The following KMT2C variants were observed in gnomAD, a reference collection of about 807,000 sequenced individuals.
KMT2C encodes the protein histone-lysine N-methyltransferase 2C.
In KMT2C, 88 loss-of-function variants were observed where a neutral mutation model predicts 507.9. That is an observed-to-expected ratio of 0.17 (90% confidence interval 0.15 to 0.21). KMT2C has a LOEUF of 0.21. Among genes scored for constraint, KMT2C ranks in the 10% least tolerant of loss-of-function variants. KMT2C has a pLI of 1.00. For missense variants in KMT2C, 4,954 were observed against 5,957.8 expected, an observed-to-expected ratio of 0.83 and a Z score of 5.55; for synonymous variants, 2,049 against 2,080.8, an observed-to-expected ratio of 0.98 and a Z score of 0.42.
intron 28 of KMT2C, 142 bp downstream of exon 28, chr7:152,195,765 G>T (rs1384296514): frequency 3.9e-6 from 2 of 511,414 alleles, no homozygotes; most frequent in Non-Finnish European, 6.4e-6. Flanking sequence ...GCAGATCAAA[G>T]AAAATGCTGA....
rs753651785 is a variant in KMT2C, at chr7:152,176,163, A to G, written c.9262+28T>C. On this transcript the variant is annotated intron_variant, in intron 38 of 58. Coordinates refer to ENST00000262189, the MANE Select transcript of KMT2C (RefSeq NM_170606.3). Reference sequence around the variant, plus strand: ...ATGCCACTCTAATACCCATAGTAATATACGTTGAGACTCAAGAAAACTCCT... The same window carrying G: ...ATGCCACTCTAATACCCATAGTAATGTACGTTGAGACTCAAGAAAACTCCT... 7 of 1,552,446 alleles carry G rather than the reference A, an allele frequency of 4.5e-6. No homozygotes were observed. The Admixed American group carries it at 1.2e-4, about 26-fold the overall frequency.
At chr7:152,316,363 G>T (rs1379642530) in intron 3 of KMT2C, among the ~76,000 whole-genome samples, 2 of 152,116 alleles carry the variant, frequency 1.3e-5, no homozygotes, top group East Asian at 3.9e-4. Flanking sequence ...GTGGGAGAAT[G>T]AGCTCAATTT....
chr7:152,236,954 A>C (rs1470888465), intron 15 of KMT2C, among the ~76,000 whole-genome samples: 1 of 152,170 alleles, frequency 6.6e-6, no homozygotes, highest in Non-Finnish European at 1.5e-5. Flanking sequence ...AATGGAAATA[A>C]TTTATCTGAC....
chr7:152,331,741 C>T (rs1298560200), intron 2 of KMT2C, among the ~76,000 whole-genome samples: 2 of 150,182 alleles, frequency 1.3e-5, no homozygotes, highest in African/African-American at 4.9e-5. Context: ...CTCTGCCTCC[C>T]GGGTTCAAGC....
At chr7:152,262,229 AAGAAG>A (rs756868370) in intron 9 of KMT2C, among the ~76,000 whole-genome samples, 2 of 152,138 alleles carry the variant, frequency 1.3e-5, no homozygotes, top group African/African-American at 2.4e-5. Flanking sequence ...AAGCAGTTCC[AAGAAG>A]AGCAATGACA....
At chr7:152,213,275 A>G (rs1439520651) in intron 23 of KMT2C, among the ~76,000 whole-genome samples, 2 of 152,200 alleles carry the variant, frequency 1.3e-5, no homozygotes, top group East Asian at 3.8e-4. Context: ...TTGAGAAAGA[A>G]AAACAAAGTA....
intron 1 of KMT2C, among the ~76,000 whole-genome samples, chr7:152,423,362 C>T (rs2116745538): frequency 6.6e-6 from 1 of 152,266 alleles, no homozygotes; most frequent in African/African-American, 2.4e-5. Flanking sequence ...AACTACATTC[C>T]CAGCCTCCCT....
At chr7:152,297,057 G>GACAGACAGAAAGAAAGAA (rs756980169) in intron 6 of KMT2C, among the ~76,000 whole-genome samples, 59 of 90,750 alleles carry the variant, frequency 6.5e-4, no homozygotes, top group Middle Eastern at 4.8e-3. Context: ...AAGAAAGACA[G>GACAGACAGAAAGAAAGAA]AGAGAGAGAG....
In KMT2C at chr7:152,270,847, G is replaced by C. The variant is rs201833302; in HGVS notation, c.1012+2858C>G. Among the ~76,000 whole-genome samples the C allele has an allele frequency of 2.4e-4, 36 of 152,282 alleles. No individual in the cohort carries two copies. In the East Asian group the frequency reaches 6.6e-3, roughly 28 times the overall value. On this transcript the variant is annotated intron_variant, in intron 7 of 58. Transcript: ENST00000262189. The stretch of plus-strand genomic sequence containing the variant: ...ACAGAGCACCCTAAAAGTGTTTCCT[G>C]AAGAAAATCTTGGCCTTCTTCACAG...
chr7:152,379,372 T>C (rs1198903157), intron 1 of KMT2C, among the ~76,000 whole-genome samples: 2 of 152,056 alleles, frequency 1.3e-5, no homozygotes, highest in African/African-American at 2.4e-5. Context: ...ACCCCATCTC[T>C]ACTAAATATA....
chr7:152,266,946 T>C (rs2095868241), intron 7 of KMT2C, among the ~76,000 whole-genome samples: 2 of 150,682 alleles, frequency 1.3e-5, no homozygotes, highest in Admixed American at 6.6e-5. Flanking sequence ...TGTTACTTTT[T>C]AGTCTTTGGC....
intron 1 of KMT2C, among the ~76,000 whole-genome samples, chr7:152,376,947 G>A (rs2097332917): frequency 6.6e-6 from 1 of 152,166 alleles, no homozygotes; most frequent in Non-Finnish European, 1.5e-5. Flanking sequence ...CACTTTGAGA[G>A]GCCAAGGTAG....
chr7:152,196,060 T>C (rs1250183779), intron 27 of KMT2C, 49 bp from the exon 28 acceptor site: 11 of 1,133,820 alleles, frequency 9.7e-6, no homozygotes, highest in Non-Finnish European at 1.4e-5. Flanking sequence ...TTCTCAGATA[T>C]TAAGCCATTT....
intron 6 of KMT2C, among the ~76,000 whole-genome samples, chr7:152,303,769 C>T (rs2096592151): frequency 6.6e-6 from 1 of 152,176 alleles, no homozygotes; most frequent in Non-Finnish European, 1.5e-5. Flanking sequence ...AGGCGGATCA[C>T]CTGAGGCCAG....
intron 6 of KMT2C, among the ~76,000 whole-genome samples, chr7:152,290,280 ATATATATATATATATTT>A (rs2096397893): frequency 9.4e-5 from 3 of 31,942 alleles, no homozygotes; most frequent in African/African-American, 4.0e-4. Flanking sequence ...ATATATATAT[ATATATATATATATATTT>A]TTTTTTTTTT....
chr7:152,149,235 A>G, intron 51 of KMT2C, 83 bp from the exon 52 acceptor site: 2 of 1,337,880 alleles, frequency 1.5e-6, no homozygotes, highest in Middle Eastern at 1.9e-4. Flanking sequence ...GAAGCTGAGC[A>G]GTATGACTGA....
intron 6 of KMT2C, among the ~76,000 whole-genome samples, chr7:152,295,131 A>G (rs10273957): frequency 0.043 from 6,531 of 152,270 alleles, 487 homozygotes; most frequent in African/African-American, 0.15. Context: ...TTCTATTACA[A>G]TATTTCATCT....
In KMT2C at chr7:152,238,700, T is replaced by C. The variant is rs2095329634; in HGVS notation, c.2652+7A>G. 6.3e-7 allele frequency: 1 copy of C among 1,599,676 alleles called. No individual in the cohort carries two copies. Among genetic ancestry groups the C allele is most frequent in the Non-Finnish European group, 8.5e-7 (1 of 1,176,402 alleles). ...TGATATATGAATGTAAATGCAATTT[T>C]ATTTACCACTTTGATGCTCCAAATG... On this transcript the variant is annotated splice_region_variant and intron_variant, in intron 15 of 58. Transcript: ENST00000262189.
At chr7:152,360,304 C>T (rs2097186118) in intron 1 of KMT2C, among the ~76,000 whole-genome samples, 1 of 151,708 alleles carries the variant, frequency 6.6e-6, no homozygotes, top group South Asian at 2.1e-4. Flanking sequence ...GTGGCGAAAC[C>T]TCGTCTCTAC....
Sources: gnomAD v4.1 joint callset for allele counts (sites outside exome capture counted in the v4.1 genomes callset) on GRCh38, gnomAD v4.1.1 for gene constraint, MANE v1.5 for transcripts, NCBI Gene and HGNC (gene_info 2026-07-23, HGNC 2026-07-21) for gene names.